The following PITRM1 variants were observed in gnomAD, a reference collection of about 807,000 sequenced individuals.
PITRM1 encodes presequence protease, mitochondrial.
In PITRM1, 100 loss-of-function variants were observed where a neutral mutation model predicts 129.9. The observed-to-expected ratio is 0.77, with a 90% CI of 0.65 to 0.91. The LOEUF (loss-of-function observed/expected upper bound fraction) is 0.91, where lower values mean the gene tolerates loss of function less well. PITRM1 is among the 40% of genes least tolerant of loss of function. The probability of loss-of-function intolerance (pLI) is 0.00; values close to 1 mark genes in which losing one functional copy is unlikely to be tolerated. For missense variants in PITRM1, 1,471 were observed against 1,318.3 expected (o/e 1.12, Z -1.79); for synonymous variants, 591 against 508.8 (o/e 1.16, Z -2.17).
chr10:3,158,057 C>T lies in PITRM1; in HGVS notation c.1233G>A (p.Thr411=), dbSNP rs45600442. ...ACACTCACTCAACTACTTCATCAAT[C>T]GTTCTGTCTATGAGGCTTCTGACGG... ...IETVRSLIDR[T]IDEVVEKGFE... is the part of the protein sequence containing the mutation. Residue 411 remains threonine (T), a synonymous_variant, in exon 11 of 27, where the codon ACG becomes ACA. Transcript: ENST00000224949. The T allele has an allele frequency of 0.033, 52,095 of 1,600,600 alleles. 1,071 individuals are homozygous for T. The highest frequency in any genetic ancestry group is 0.041 in the Non-Finnish European group (47,515 of 1,167,402).
intron 16 of PITRM1, chr10:3,149,011 A>G (rs4881115): frequency 0.65 from 99,371 of 152,168 alleles, 32,701 homozygotes; most frequent in Non-Finnish European, 0.7. Context: ...CATCTCCACA[A>G]AGGGAAGACC....
intron 3 of PITRM1, among the ~76,000 whole-genome samples, chr10:3,166,668 T>C (rs907230081): frequency 6.6e-6 from 1 of 152,230 alleles, no homozygotes; most frequent in African/African-American, 2.4e-5. Flanking sequence ...ATGTTTTAAA[T>C]CAAGCTTGTC....
rs1280246471 is a variant in PITRM1 at position 3,144,302 on chromosome 10, T to C, written c.2522A>G (p.Lys841Arg). Residue 841 changes from lysine to arginine, a missense_variant, in exon 22 of 27, where the codon AAG becomes AGG. Physicochemically the swap from Lys to Arg is conservative, Grantham distance 26. Coordinates refer to ENST00000224949, the MANE Select transcript of PITRM1 (RefSeq NM_014889.4). ...GGCTGTGGTTCTTACCATGACCAGC[T>C]TCCTAATGACCTGGGAGCCATGGGG... Reference protein sequence around the residue: ...HVPHGSQVIRKLVMEPTFKPW... With the variant: ...HVPHGSQVIRRLVMEPTFKPW... 5 of 1,556,088 alleles carry C rather than the reference T, an allele frequency of 3.2e-6. No homozygotes were observed. The South Asian group carries it at 3.6e-5, about 11-fold the overall frequency.
intron 22 of PITRM1, chr10:3,143,840 T>C: frequency 1.8e-6 from 1 of 564,368 alleles, no homozygotes; most frequent in South Asian, 1.5e-5. Flanking sequence ...ATATTTCATA[T>C]CATATTATAT....
chr10:3,153,232 T>C (rs1186043225), intron 14 of PITRM1, among the ~76,000 whole-genome samples: 1 of 152,242 alleles, frequency 6.6e-6, no homozygotes. Context: ...GACTACAGTA[T>C]ACGGGGTTTT....
At chr10:3,143,548 C>A in intron 22 of PITRM1, 47 bp from the exon 23 acceptor site, 1 of 1,316,380 alleles carries the variant, frequency 7.6e-7, no homozygotes, top group Non-Finnish European at 1.1e-6. Flanking sequence ...CCATGCACCG[C>A]CCACGGCACT....
rs756117667 is a variant in PITRM1 at position 3,151,269 on chromosome 10, T to C, written c.1716A>G (p.Thr572=). The change falls in exon 15 of 27, where the codon ACA becomes ACG. Residue 572 remains threonine (T), a synonymous_variant. Coordinates refer to ENST00000224949, the MANE Select transcript of PITRM1 (RefSeq NM_014889.4). ...GACCTGTCAGGACCACGTCCAACTC[T>C]GTGACAGGTATGGTGGGTTCAATAT... ...VSDIEPTIPV[T]ELDVVLTAGD... is the part of the protein sequence containing the mutation. The C allele has an allele frequency of 6.2e-7, 1 of 1,603,752 alleles. No individual in the cohort carries two copies. The highest frequency in any genetic ancestry group is 8.5e-7 in the Non-Finnish European group (1 of 1,173,258).
At chr10:3,140,103 T>A (rs1160252575) in intron 24 of PITRM1, among the ~76,000 whole-genome samples, 1 of 152,178 alleles carries the variant, frequency 6.6e-6, no homozygotes, top group Non-Finnish European at 1.5e-5. Flanking sequence ...ATAAAGTTTA[T>A]AGATTAGGTG....
chr10:3,144,020 T>G lies in PITRM1; in HGVS notation c.2532+272A>C, dbSNP rs1462252950. The G allele has an allele frequency of 1.4e-5, 8 of 562,410 alleles. No homozygotes were observed. In the South Asian group the frequency reaches 1.6e-4, roughly 12 times the overall value. The allele number at this position is 562,410 out of a possible 1,614,324, so 34.8% of individuals were successfully genotyped here. A position where few individuals can be genotyped will look rare whatever the true frequency, so the allele number is the denominator to read the frequency against. On this transcript the variant is annotated intron_variant, in intron 22 of 26. Transcript: ENST00000224949. ...CCCGGGAGGAGACCACCCAGAGCAG[T>G]AGCCCTCTTCCTGGGCACAGGGAAG... is the stretch of plus-strand genomic sequence containing the variant.
chr10:3,154,731 TC>T, intron 14 of PITRM1, among the ~76,000 whole-genome samples: 1 of 152,280 alleles, frequency 6.6e-6, no homozygotes, highest in Non-Finnish European at 1.5e-5. Flanking sequence ...CAGGCCTTTA[TC>T]AGACACCATT....
intron 19 of PITRM1, 77 bp from the exon 20 acceptor site, chr10:3,147,327 C>A: frequency 8.9e-7 from 1 of 1,126,124 alleles, no homozygotes; most frequent in East Asian, 2.3e-5. Context: ...GCACCTGTGA[C>A]ATCAGAACCC....
intron 11 of PITRM1, 78 bp downstream of exon 11, chr10:3,157,962 G>T: frequency 1.2e-6 from 1 of 855,684 alleles, no homozygotes; most frequent in Non-Finnish European, 2.0e-6. Flanking sequence ...CCGAAACAAT[G>T]GATCAGGCTC....
In PITRM1 at chr10:3,165,423, G is replaced by T; in HGVS notation, c.523C>A (p.Leu175Met). ...TCATTCATGACATACCAGAAATCCA[G>T]CTCGCGTAAACATGGGAAAAAGGTG... ...DATFFPCLRELDFWQEGWRLE... is the reference protein window; with the variant it reads ...DATFFPCLREMDFWQEGWRLE... The change falls in exon 5 of 27, where the codon CTG becomes ATG. Residue 175 changes from leucine (L) to methionine (M), a missense_variant. Physicochemically the swap from Leu to Met is conservative, Grantham distance 15. Transcript: ENST00000224949. The T allele has an allele frequency of 6.2e-7, 1 of 1,612,186 alleles. No individual in the cohort carries two copies. The highest frequency in any genetic ancestry group is 8.5e-7 in the Non-Finnish European group (1 of 1,178,894).
At chr10:3,158,825 G>T in intron 10 of PITRM1, 89 bp downstream of exon 10, 2 of 1,223,754 alleles carry the variant, frequency 1.6e-6, no homozygotes, top group African/African-American at 1.5e-5. Flanking sequence ...ACACTGTCAA[G>T]TGTGGGGCCG....
intron 23 of PITRM1, among the ~76,000 whole-genome samples, chr10:3,142,667 C>T (rs530092728): frequency 2.4e-4 from 36 of 152,346 alleles, no homozygotes; most frequent in African/African-American, 8.7e-4. Context: ...CCTCGCCCCA[C>T]GCCACTTTGG....
chr10:3,150,552 T>C (rs1588666325), intron 15 of PITRM1, among the ~76,000 whole-genome samples: 2 of 152,182 alleles, frequency 1.3e-5, no homozygotes, highest in East Asian at 3.8e-4. Context: ...AGAGCCATGC[T>C]GCCCTCAGCT....
At chr10:3,143,182 A>C in intron 23 of PITRM1, 1 of 579,750 alleles carries the variant, frequency 1.7e-6, no homozygotes, top group South Asian at 2.0e-5. Context: ...AATTGTTTAC[A>C]AAAATGACTG....
chr10:3,147,948 T>A, intron 18 of PITRM1, 39 bp downstream of exon 18: 1 of 1,468,826 alleles, frequency 6.8e-7, no homozygotes. Context: ...AGATCTCTAG[T>A]ACACCCCAAG....
chr10:3,147,147 C>A lies in PITRM1; in HGVS notation c.2336+3G>T. 1 of 1,412,488 alleles carries A rather than the reference C, an allele frequency of 7.1e-7. No homozygotes were observed. The highest frequency in any genetic ancestry group is 1.0e-6 in the Non-Finnish European group (1 of 997,808). The allele number at this position is 1,412,488 out of a possible 1,614,324, so 87.5% of individuals were successfully genotyped here. ...AATATTTAGAAACAAATCACACATG[C>A]ACCTCATATTATCACCATTTAACAA... On this transcript the variant is annotated splice_donor_region_variant and intron_variant, in intron 20 of 26. Transcript: ENST00000224949.
Sources: allele counts gnomAD v4.1 joint callset (sites outside exome capture counted in the v4.1 genomes callset), GRCh38; gene constraint gnomAD v4.1.1; transcripts MANE v1.5; gene names NCBI Gene and HGNC (gene_info 2026-07-23, HGNC 2026-07-21).